ANKS1A: variants seen among roughly 807,000 people sequenced by gnomAD.
ANKS1A encodes the protein ankyrin repeat and sterile alpha motif domain containing 1A, also known as ankyrin repeat and SAM domain-containing protein 1A.
ANKS1A carries 55 observed loss-of-function variants against 120.3 expected under a neutral mutation model. That is an observed-to-expected ratio of 0.46 (90% CI 0.37 to 0.57). The LOEUF (loss-of-function observed/expected upper bound fraction) is 0.57. ANKS1A is among the 20% of genes least tolerant of loss of function. The pLI is 0.00. For missense variants in ANKS1A, 1,123 were observed against 1,480.3 expected (o/e 0.76, Z 3.96); for synonymous variants, 590 against 604.7 (o/e 0.98, Z 0.36).
intron 11 of ANKS1A, chr6:35,023,627 A>G (rs754946007): frequency 7.2e-5 from 35 of 484,712 alleles, no homozygotes; most frequent in Middle Eastern, 3.4e-4. Flanking sequence ...CTCCAGGAAA[A>G]TCTCAGGGAG....
chr6:34,998,821 G>C (rs561189467), intron 10 of ANKS1A, among the ~76,000 whole-genome samples: 2 of 152,298 alleles, frequency 1.3e-5, no homozygotes, highest in East Asian at 3.9e-4. Context: ...TTTGTCTGCG[G>C]CTTGTCCTGC....
At chr6:35,096,929 C>CCAACTA in the ANKS1A span, among the ~76,000 whole-genome samples, 1 of 151,778 alleles carries the variant, frequency 6.6e-6, no homozygotes, top group Non-Finnish European at 1.5e-5. Flanking sequence ...CACAAACCCT[C>CCAACTA]CAACTACAAT....
chr6:35,035,133 CACTTT>C (rs1443697038), intron 11 of ANKS1A, among the ~76,000 whole-genome samples: 11 of 152,230 alleles, frequency 7.2e-5, no homozygotes, highest in African/African-American at 2.4e-4. Flanking sequence ...CCGGACCGTG[CACTTT>C]ACTTTATCAG....
chr6:34,995,173 A>G (rs1472379791), intron 10 of ANKS1A, among the ~76,000 whole-genome samples: 2 of 152,222 alleles, frequency 1.3e-5, no homozygotes, highest in African/African-American at 4.8e-5. Flanking sequence ...TTTCAACCCT[A>G]AGACATTCCA....
intron 1 of ANKS1A, among the ~76,000 whole-genome samples, chr6:34,910,341 G>A (rs1262522852): frequency 2.6e-5 from 4 of 152,168 alleles, no homozygotes; most frequent in Non-Finnish European, 5.9e-5. Context: ...GAGGCGAGAG[G>A]ATTGCTCGAG....
At chr6:34,918,152 C>T (rs1394452643) in intron 1 of ANKS1A, among the ~76,000 whole-genome samples, 1 of 152,208 alleles carries the variant, frequency 6.6e-6, no homozygotes, top group African/African-American at 2.4e-5. Flanking sequence ...GGGTGTGGAA[C>T]ACCTTCTGGT....
At chr6:34,993,819 G>GCAT (rs971897548) in intron 9 of ANKS1A, among the ~76,000 whole-genome samples, 2 of 152,192 alleles carry the variant, frequency 1.3e-5, no homozygotes, top group Non-Finnish European at 2.9e-5. Context: ...TCACGATGGA[G>GCAT]CATGGCTAAG....
chr6:34,960,563 G>A (rs1417745780), intron 1 of ANKS1A, among the ~76,000 whole-genome samples: 1 of 152,172 alleles, frequency 6.6e-6, no homozygotes, highest in South Asian at 2.1e-4. Context: ...CACAGTGCCC[G>A]GCATGTCTAC....
chr6:35,060,321 C>T lies in ANKS1A; in HGVS notation c.2184+68C>T. The T allele has an allele frequency of 6.5e-6, 9 of 1,388,616 alleles. No homozygotes were observed. Among genetic ancestry groups the T allele is most frequent in the Middle Eastern group, 2.5e-4 (1 of 4,070 alleles). The allele number at this position is 1,388,616 out of a possible 1,614,324, so 86.0% of individuals were successfully genotyped here. On this transcript the variant is annotated intron_variant, in intron 13 of 23. Transcript: ENST00000360359. The surrounding 1 kb of genome is among the most constrained non-coding windows in gnomAD (Gnocchi z 4.5). ...TGGAAACAGGCCTCCCTGGCCTCCCCTCTGGCCCCACAGGAGTCTGCAACA... is the reference window on the plus strand; with the variant it reads ...TGGAAACAGGCCTCCCTGGCCTCCCTTCTGGCCCCACAGGAGTCTGCAACA...
chr6:34,961,397 A>G (rs1453260225), intron 1 of ANKS1A, among the ~76,000 whole-genome samples: 1 of 152,158 alleles, frequency 6.6e-6, no homozygotes, highest in Admixed American at 6.5e-5. Context: ...ATTTTGTTTA[A>G]TGTGTTCCCC....
intron 11 of ANKS1A, among the ~76,000 whole-genome samples, chr6:35,045,289 C>T (rs1775666113): frequency 6.6e-6 from 1 of 152,214 alleles, no homozygotes; most frequent in Non-Finnish European, 1.5e-5. Context: ...CAGATCTTTA[C>T]AGCAGGCCTC....
At chr6:35,069,023 T>A (rs1420201993) in intron 13 of ANKS1A, among the ~76,000 whole-genome samples, 1 of 152,104 alleles carries the variant, frequency 6.6e-6, no homozygotes, top group African/African-American at 2.4e-5. Context: ...GGACTGCCCC[T>A]CCACACCATG....
intron 13 of ANKS1A, among the ~76,000 whole-genome samples, chr6:35,074,294 A>T (rs914518493): frequency 1.3e-5 from 2 of 152,190 alleles, no homozygotes; most frequent in Non-Finnish European, 2.9e-5. Context: ...TATCCTCATA[A>T]TCAGGTAGAA....
At position 34,967,318 on chromosome 6, in the gene ANKS1A, A is replaced by C. The variant is rs1177712762; in HGVS notation, c.277A>C (p.Lys93Gln). The change falls in exon 2 of 24, where the codon AAG (lysine) becomes CAG (glutamine). Residue 93 changes from lysine to glutamine, a missense_variant and splice_region_variant. By Grantham distance (53) the Lys-to-Gln change is moderately conservative. Transcript: ENST00000360359. ...PLHHAALNGHKDVVEVLLRND... is the reference protein window; with the variant it reads ...PLHHAALNGHQDVVEVLLRND... ...GCACCATGCTGCTTTGAATGGCCAT[A>C]AGTAAGTATCAATGTACTACATTCC... The C allele has an allele frequency of 6.2e-7, 1 of 1,613,790 alleles. No homozygotes were observed.
intron 1 of ANKS1A, among the ~76,000 whole-genome samples, chr6:34,914,150 T>A (rs1205919403): frequency 7.7e-6 from 1 of 130,030 alleles, no homozygotes; most frequent in Non-Finnish European, 1.7e-5. Flanking sequence ...CTCGATCTCC[T>A]GACCTCGTGA....
chr6:35,017,733 C>G lies in ANKS1A; in HGVS notation c.1684C>G (p.Gln562Glu). Reference protein sequence around the residue: ...PGASQPSALDQSKRVGYLTGL... With the variant: ...PGASQPSALDESKRVGYLTGL... ...AGCCTCCCAGCCCAGTGCCCTGGAC[C>G]AGAGCAAGAGAGTGGGCTACCTCAC... is the stretch of plus-strand genomic sequence containing the variant. Residue 562 changes from glutamine to glutamate, a missense_variant, in exon 11 of 24, where the codon CAG becomes GAG. Gln to Glu is a conservative substitution (Grantham distance 29). Coordinates refer to ENST00000360359, the MANE Select transcript of ANKS1A (RefSeq NM_015245.3). The G allele has an allele frequency of 6.2e-7, 1 of 1,614,118 alleles. No individual in the cohort carries two copies. The highest frequency in any genetic ancestry group is 8.5e-7 in the Non-Finnish European group (1 of 1,180,032).
chr6:35,017,271 A>G (rs1774068599), intron 10 of ANKS1A, among the ~76,000 whole-genome samples: 1 of 152,178 alleles, frequency 6.6e-6, no homozygotes, highest in African/African-American at 2.4e-5. Context: ...GACTTTGGGT[A>G]CAAATTGAAC....
intron 10 of ANKS1A, among the ~76,000 whole-genome samples, chr6:35,013,149 C>G (rs1773848073): frequency 6.6e-6 from 1 of 152,290 alleles, no homozygotes; most frequent in Middle Eastern, 3.4e-3. Flanking sequence ...GGTCTTATTT[C>G]TCCTTCAGTG....
intron 3 of ANKS1A, among the ~76,000 whole-genome samples, chr6:34,976,723 ATAC>A (rs1771609071): frequency 6.6e-6 from 1 of 151,616 alleles, no homozygotes; most frequent in South Asian, 2.1e-4. Flanking sequence ...ACTCTTCTTG[ATAC>A]TACAGTGTTA....
Sources: gnomAD v4.1 joint callset for allele counts (sites outside exome capture counted in the v4.1 genomes callset) on GRCh38, gnomAD v4.1.1 for gene constraint, Gnocchi (gnomAD v3.1) non-coding constraint, MANE v1.5 for transcripts, NCBI Gene and HGNC (gene_info 2026-07-23, HGNC 2026-07-21) for gene names.